CDC73: variants seen among roughly 807,000 people sequenced by gnomAD.
CDC73 encodes cell division cycle 73.
CDC73 carries 21 observed loss-of-function variants against 83.7 expected under a neutral mutation model. That is an observed-to-expected ratio of 0.25 (90% CI 0.18 to 0.36). CDC73 has a LOEUF of 0.36. Among genes scored for constraint, CDC73 ranks in the 10% least tolerant of loss-of-function variants. The pLI is 1.00. For missense variants in CDC73, 342 were observed against 653.3 expected, an observed-to-expected ratio of 0.52 and a Z score of 5.19; for synonymous variants, 224 against 212.9, an observed-to-expected ratio of 1.05 and a Z score of -0.45.
intron 10 of CDC73, among the ~76,000 whole-genome samples, chr1:193,164,487 T>C (rs1676400665): frequency 6.6e-6 from 1 of 152,198 alleles, no homozygotes; most frequent in South Asian, 2.1e-4. Flanking sequence ...GTGATAAATG[T>C]AATTAACAAG....
chr1:193,169,105 G>C (rs1224776928), intron 10 of CDC73, among the ~76,000 whole-genome samples: 1 of 152,030 alleles, frequency 6.6e-6, no homozygotes, highest in Non-Finnish European at 1.5e-5. Flanking sequence ...GGAGGCAACT[G>C]TTTATTTCTA....
rs945945433 is a variant in CDC73, at chr1:193,212,274, A to C, written c.1067-116A>C. ...ATATTTTTTAATATCCACTGGCTTA[A>C]AATATTTTTTAGATCAAAAGTTAAA... is the stretch of plus-strand genomic sequence containing the variant. On this transcript the variant is annotated intron_variant, in intron 12 of 16. Transcript: ENST00000367435. 23 of 904,498 alleles carry C rather than the reference A, an allele frequency of 2.5e-5. No individual in the cohort carries two copies. In the Admixed American group the frequency reaches 5.0e-4, roughly 20 times the overall value. The allele number at this position is 904,498 out of a possible 1,614,324, so 56.0% of individuals were successfully genotyped here.
intron 14 of CDC73, among the ~76,000 whole-genome samples, chr1:193,233,495 T>G (rs1326608524): frequency 3.0e-4 from 45 of 152,284 alleles, no homozygotes; most frequent in Admixed American, 2.9e-3. Context: ...ATATTTACTT[T>G]GGTCATCAAT....
intron 11 of CDC73, among the ~76,000 whole-genome samples, chr1:193,207,115 G>C (rs374971951): frequency 6.6e-6 from 1 of 152,122 alleles, no homozygotes; most frequent in South Asian, 2.1e-4. Context: ...GCCTCCAGGG[G>C]TAACATCACA....
chr1:193,164,647 T>TA (rs964775833), intron 10 of CDC73, among the ~76,000 whole-genome samples: 1 of 151,992 alleles, frequency 6.6e-6, no homozygotes, highest in Admixed American at 6.5e-5. Context: ...AACTCTTCAT[T>TA]AAAAAAAAGG....
rs931674190 is a variant in CDC73, at chr1:193,149,376, G to GT, written c.829-915dup. On this transcript the variant is annotated intron_variant, in intron 8 of 16. Coordinates refer to ENST00000367435, the MANE Select transcript of CDC73 (RefSeq NM_024529.5). ...CTCAGCAGTTCCCTACTTATTAGAT[G>GT]TTTTTTTTTTTTTAAAGTAGTGGAG... 1.8e-3 allele frequency among the ~76,000 whole-genome samples: 263 copies of GT among 144,006 alleles called. 1 individual carries two copies. The highest frequency in any genetic ancestry group is 2.2e-3 in the African/African-American group (88 of 39,544). The allele number at this position is 144,006 out of a possible 152,430, so 94.5% of individuals were successfully genotyped here.
intron 3 of CDC73, among the ~76,000 whole-genome samples, chr1:193,134,832 A>G (rs1234901030): frequency 6.6e-6 from 1 of 152,234 alleles, no homozygotes; most frequent in Non-Finnish European, 1.5e-5. Flanking sequence ...CTACAGAAAG[A>G]AACTCTAGAA....
intron 10 of CDC73, among the ~76,000 whole-genome samples, chr1:193,170,376 C>T (rs1001284808): frequency 1.3e-5 from 2 of 152,216 alleles, no homozygotes; most frequent in Non-Finnish European, 2.9e-5. Context: ...ACCACAGTTT[C>T]TTTCACAATA....
chr1:193,124,215 T>G (rs1203111249), intron 1 of CDC73, among the ~76,000 whole-genome samples: 1 of 152,248 alleles, frequency 6.6e-6, no homozygotes, highest in Admixed American at 6.5e-5. Context: ...TATGTGCACA[T>G]GCACATGGAA....
intron 3 of CDC73, among the ~76,000 whole-genome samples, chr1:193,133,738 T>A (rs1267569767): frequency 6.6e-6 from 1 of 152,138 alleles, no homozygotes; most frequent in Non-Finnish European, 1.5e-5. Context: ...TCATCACAGA[T>A]AAAGGGCTAA....
At chr1:193,158,518 G>A (rs1360433710) in intron 10 of CDC73, among the ~76,000 whole-genome samples, 3 of 151,510 alleles carry the variant, frequency 2.0e-5, no homozygotes, top group Non-Finnish European at 4.4e-5. Context: ...AAAAAATTAA[G>A]TAACTTTCAT....
At chr1:193,195,017 C>T (rs12085373) in intron 10 of CDC73, among the ~76,000 whole-genome samples, 7,229 of 152,140 alleles carry the variant, frequency 0.048, 483 homozygotes, top group African/African-American at 0.15. Context: ...CATAAGCACA[C>T]ATATGTATAT....
intron 6 of CDC73, among the ~76,000 whole-genome samples, chr1:193,138,955 A>C (rs1675852223): frequency 6.7e-6 from 1 of 149,270 alleles, no homozygotes; most frequent in Non-Finnish European, 1.5e-5. Flanking sequence ...TTATACTTTT[A>C]GTAGAGATGA....
At chr1:193,150,279 TA>T in intron 8 of CDC73, 24 bp from the exon 9 acceptor site, 1 of 1,459,696 alleles carries the variant, frequency 6.9e-7, no homozygotes, top group Non-Finnish European at 9.6e-7. Flanking sequence ...TATTAACAAG[TA>T]ACTCATAATT....
Position 193,254,223 on chromosome 1 carries a change from G to A in CDC73, c.*3511G>A, listed in dbSNP as rs1678095471. ...TAATAAAGAAATTATTGGTTTGTCT[G>A]GTTAAAGTCCATATAGAATGCTGAG... On this transcript the variant is annotated 3_prime_UTR_variant, in exon 17 of 17. Transcript: ENST00000367435. Among the ~76,000 whole-genome samples, 1 of 151,716 alleles carries A rather than the reference G, an allele frequency of 6.6e-6. No homozygotes were observed. Among genetic ancestry groups the A allele is most frequent in the Non-Finnish European group, 1.5e-5 (1 of 67,854 alleles).
At chr1:193,130,080 T>C (rs1572146513) in intron 2 of CDC73, 94 bp from the exon 3 acceptor site, 1 of 717,260 alleles carries the variant, frequency 1.4e-6, no homozygotes, top group South Asian at 1.5e-5. Context: ...TTTCAAGATA[T>C]GTTGGAATAA....
chr1:193,181,158 A>ATGG, intron 10 of CDC73: 1 of 1,613,938 alleles, frequency 6.2e-7, no homozygotes, highest in East Asian at 2.2e-5. Context: ...TATATTTGAA[A>ATGG]TGGTAAGAAT....
intron 8 of CDC73, among the ~76,000 whole-genome samples, chr1:193,149,032 G>C (rs1036202798): frequency 6.6e-6 from 1 of 152,070 alleles, no homozygotes; most frequent in Non-Finnish European, 1.5e-5. Context: ...GAAATTGTTG[G>C]AATTTAACTT....
intron 10 of CDC73, among the ~76,000 whole-genome samples, chr1:193,177,476 G>C (rs1217113368): frequency 6.7e-6 from 1 of 149,296 alleles, no homozygotes; most frequent in African/African-American, 2.5e-5. Flanking sequence ...CTTGCAGTGA[G>C]CCGAGATCGG....
Sources: gnomAD v4.1 joint callset for allele counts (sites outside exome capture counted in the v4.1 genomes callset) on GRCh38, gnomAD v4.1.1 for gene constraint, MANE v1.5 for transcripts, NCBI Gene and HGNC (gene_info 2026-07-23, HGNC 2026-07-21) for gene names.